LMX1A: variants seen among roughly 807,000 people sequenced by gnomAD.
LMX1A encodes the protein LIM homeobox transcription factor 1 alpha, also known as LIM homeobox transcription factor 1-alpha.
LMX1A carries 15 observed loss-of-function variants against 49.1 expected under a neutral mutation model. The observed-to-expected ratio is 0.31, with a 90% CI of 0.20 to 0.47. LMX1A has a LOEUF of 0.47. Ranked by LOEUF, LMX1A falls within the 20% of genes least tolerant of loss-of-function variation. LMX1A has a pLI of 1.00. For missense variants in LMX1A, 372 were observed against 475.8 expected (o/e 0.78, Z 2.03); for synonymous variants, 167 against 185.7 (o/e 0.90, Z 0.82).
intron 3 of LMX1A, among the ~76,000 whole-genome samples, chr1:165,340,630 T>C (rs1319183337): frequency 6.6e-6 from 1 of 152,190 alleles, no homozygotes; most frequent in Non-Finnish European, 1.5e-5. Context: ...TATATGACAA[T>C]GTATCCCAAA....
intron 3 of LMX1A, among the ~76,000 whole-genome samples, chr1:165,274,729 C>T (rs897859793): frequency 3.9e-5 from 6 of 152,274 alleles, no homozygotes; most frequent in East Asian, 1.9e-4. Context: ...GTTGCCATGG[C>T]GGTCACGGAT....
intron 3 of LMX1A, among the ~76,000 whole-genome samples, chr1:165,296,704 C>T (rs1020981132): frequency 1.3e-5 from 2 of 152,250 alleles, no homozygotes; most frequent in African/African-American, 4.8e-5. Flanking sequence ...CCCCTTTTCC[C>T]TCTCACATCT....
Position 165,310,806 on chromosome 1 carries a change from A to C in LMX1A, c.263+42270T>G, listed in dbSNP as rs539622643. Among the ~76,000 whole-genome samples the C allele has an allele frequency of 3.9e-5, 6 of 152,368 alleles. No homozygotes were observed. In the South Asian group the frequency reaches 1.2e-3, roughly 32 times the overall value. The stretch of plus-strand genomic sequence containing the variant: ...AGAGCTCAACTCTGCTTTCATCTGC[A>C]TTGCTCAGGCATTTGCAATACAGAG... On this transcript the variant is annotated intron_variant, in intron 3 of 8. Transcript: ENST00000342310.
At chr1:165,254,171 C>T (rs1406786746) in intron 3 of LMX1A, among the ~76,000 whole-genome samples, 1 of 152,196 alleles carries the variant, frequency 6.6e-6, no homozygotes, top group Non-Finnish European at 1.5e-5. Flanking sequence ...GTGGTAGCAT[C>T]TGTGCTTGTC....
chr1:165,230,464 T>G (rs1332822281), intron 4 of LMX1A, among the ~76,000 whole-genome samples: 6 of 152,206 alleles, frequency 3.9e-5, no homozygotes, highest in African/African-American at 1.2e-4. Context: ...CTGATGAACT[T>G]CTCAAGTTTT....
chr1:165,282,120 T>C (rs1290662631), intron 3 of LMX1A, among the ~76,000 whole-genome samples: 4 of 152,202 alleles, frequency 2.6e-5, no homozygotes, highest in Non-Finnish European at 4.4e-5. Context: ...TGTTTCTTCC[T>C]TCTCCACACT....
In LMX1A at chr1:165,203,296, T is replaced by C. The variant is rs994670019; in HGVS notation, c.*584A>G. 3 of 152,682 alleles carry C rather than the reference T, an allele frequency of 2.0e-5. No homozygotes were observed. The highest frequency in any genetic ancestry group is 1.3e-4 in the Admixed American group (2 of 15,286). The allele number at this position is 152,682 out of a possible 1,614,324, so 9.5% of individuals were successfully genotyped here. On this transcript the variant is annotated 3_prime_UTR_variant, in exon 9 of 9. Transcript: ENST00000342310. The stretch of plus-strand genomic sequence containing the variant: ...CAGCCCTCTCTGCCCTGCTGACAAG[T>C]CTTGTCAAGCTAAAAATAAAGTTTA...
intron 3 of LMX1A, among the ~76,000 whole-genome samples, chr1:165,326,669 C>G (rs976853442): frequency 6.6e-6 from 1 of 152,180 alleles, no homozygotes; most frequent in African/African-American, 2.4e-5. Context: ...CCTTTTGCAC[C>G]TGGCTGCATC....
chr1:165,323,282 C>T (rs1289979699), intron 3 of LMX1A, among the ~76,000 whole-genome samples: 1 of 152,168 alleles, frequency 6.6e-6, no homozygotes, highest in Non-Finnish European at 1.5e-5. Flanking sequence ...AGAAATGCTT[C>T]ATGAATTATA....
At chr1:165,217,200 G>A (rs1419736223) in intron 4 of LMX1A, among the ~76,000 whole-genome samples, 4 of 152,172 alleles carry the variant, frequency 2.6e-5, no homozygotes, top group Non-Finnish European at 4.4e-5. Context: ...AAAGCAGAGC[G>A]ACAGAGGGAG....
rs748087154 is a variant in LMX1A, at chr1:165,203,847, T to C, written c.*33A>G. The stretch of plus-strand genomic sequence containing the variant: ...CCTCAAAGAATATGGTTGTTCCATA[T>C]GGGAGCCTAGTCACAGAACTCTAGG... On this transcript the variant is annotated 3_prime_UTR_variant, in exon 9 of 9. Transcript: ENST00000342310. The C allele has an allele frequency of 5.0e-6, 8 of 1,608,262 alleles. No homozygotes were observed. The highest frequency in any genetic ancestry group is 2.2e-5 in the East Asian group (1 of 44,844).
intron 3 of LMX1A, among the ~76,000 whole-genome samples, chr1:165,297,841 T>C (rs1654660040): frequency 6.6e-6 from 1 of 152,220 alleles, no homozygotes; most frequent in Non-Finnish European, 1.5e-5. Context: ...CAATGTTTTA[T>C]AGCTGTGGGA....
At chr1:165,327,296 C>A (rs1250894754) in intron 3 of LMX1A, among the ~76,000 whole-genome samples, 1 of 152,204 alleles carries the variant, frequency 6.6e-6, no homozygotes, top group Non-Finnish European at 1.5e-5. Flanking sequence ...GCAACCCAAA[C>A]AATGGGCTAA....
intron 4 of LMX1A, among the ~76,000 whole-genome samples, chr1:165,222,606 CG>C (rs899333826): frequency 6.6e-6 from 1 of 152,166 alleles, no homozygotes; most frequent in African/African-American, 2.4e-5. Flanking sequence ...TAGGAAGGTG[CG>C]GTAAGTTGAC....
chr1:165,354,467 C>G (rs1656532726), intron 2 of LMX1A, among the ~76,000 whole-genome samples: 1 of 152,202 alleles, frequency 6.6e-6, no homozygotes, highest in Admixed American at 6.5e-5. Flanking sequence ...CACCCGCTGC[C>G]CGCCCGGGTA....
intron 3 of LMX1A, among the ~76,000 whole-genome samples, chr1:165,336,676 AC>A (rs1402491913): frequency 1.3e-5 from 2 of 152,108 alleles, no homozygotes; most frequent in Non-Finnish European, 2.9e-5. Flanking sequence ...GCATCACCAC[AC>A]ACCCAGCTCA....
intron 3 of LMX1A, among the ~76,000 whole-genome samples, chr1:165,346,918 T>C (rs1456481225): frequency 6.6e-6 from 1 of 152,238 alleles, no homozygotes; most frequent in African/African-American, 2.4e-5. Flanking sequence ...CAGATAATTG[T>C]GCTTTACTAA....
chr1:165,304,052 T>A (rs1490357734), intron 3 of LMX1A, among the ~76,000 whole-genome samples: 1 of 152,108 alleles, frequency 6.6e-6, no homozygotes, highest in Non-Finnish European at 1.5e-5. Flanking sequence ...ATTGGTTTAA[T>A]CCTCAGTTCT....
At chr1:165,300,683 T>G (rs919204052) in intron 3 of LMX1A, among the ~76,000 whole-genome samples, 1 of 152,230 alleles carries the variant, frequency 6.6e-6, no homozygotes, top group Non-Finnish European at 1.5e-5. Context: ...TGCTTGCAAC[T>G]GCACAGAAGA....
Sources: allele counts gnomAD v4.1 joint callset (sites outside exome capture counted in the v4.1 genomes callset), GRCh38; gene constraint gnomAD v4.1.1; transcripts MANE v1.5; gene names NCBI Gene and HGNC (gene_info 2026-07-23, HGNC 2026-07-21).